ERO1A: variants seen among roughly 807,000 people sequenced by gnomAD.
The protein encoded by ERO1A is ERO1-like protein alpha.
A neutral mutation model predicts 76.9 loss-of-function variants in ERO1A; 49 were observed. The observed-to-expected ratio is 0.64, with a 90% confidence interval of 0.51 to 0.81. The LOEUF is 0.81. Ranked by LOEUF, ERO1A falls within the 30% of genes least tolerant of loss-of-function variation. ERO1A has a pLI of 0.00. For missense variants in ERO1A, 448 were observed against 542.1 expected (o/e 0.83, Z 1.72); for synonymous variants, 174 against 181.2 (o/e 0.96, Z 0.32).
intron 7 of ERO1A, among the ~76,000 whole-genome samples, chr14:52,665,991 CA>C (rs1434999330): frequency 6.6e-6 from 1 of 152,198 alleles, no homozygotes; most frequent in Non-Finnish European, 1.5e-5. Flanking sequence ...AAGCCACAGA[CA>C]AGGGTGTACA....
At chr14:52,684,118 G>GACACACACACACAC (rs60355765) in intron 1 of ERO1A, among the ~76,000 whole-genome samples, 4,772 of 134,378 alleles carry the variant, frequency 0.036, 106 homozygotes, top group South Asian at 0.063. Context: ...CAGAGCTCAT[G>GACACACACACACAC]ACACACACAC....
intron 2 of ERO1A, among the ~76,000 whole-genome samples, chr14:52,683,106 G>A (rs977122762): frequency 1.3e-5 from 2 of 152,130 alleles, no homozygotes; most frequent in Admixed American, 1.3e-4. Flanking sequence ...TACTTGGGAG[G>A]CTGAGGCAGG....
At chr14:52,669,504 A>AT in intron 6 of ERO1A, among the ~76,000 whole-genome samples, 1 of 152,296 alleles carries the variant, frequency 6.6e-6, no homozygotes, top group East Asian at 1.9e-4. Flanking sequence ...ATATAGGTCT[A>AT]TACCCCTCAT....
At chr14:52,689,698 A>T (rs7158431) in intron 1 of ERO1A, among the ~76,000 whole-genome samples, 72,937 of 151,984 alleles carry the variant, frequency 0.48, 18,905 homozygotes, top group African/African-American at 0.69. Context: ...ATTGTTAAAA[A>T]GCCCATACCA....
chr14:52,665,421 C>T (rs1162087796), intron 7 of ERO1A, among the ~76,000 whole-genome samples: 1 of 150,890 alleles, frequency 6.6e-6, no homozygotes, highest in Non-Finnish European at 1.5e-5. Flanking sequence ...AAACTCTCTA[C>T]TTTCCAAACT....
chr14:52,689,950 A>G (rs1317010863), intron 1 of ERO1A, among the ~76,000 whole-genome samples: 1 of 152,196 alleles, frequency 6.6e-6, no homozygotes, highest in East Asian at 1.9e-4. Context: ...CCAATGGAAA[A>G]CAATAGAAAG....
intron 3 of ERO1A, among the ~76,000 whole-genome samples, chr14:52,679,117 G>A (rs1450083325): frequency 2.0e-5 from 3 of 152,098 alleles, no homozygotes; most frequent in Non-Finnish European, 4.4e-5. Flanking sequence ...GGCCTCACCA[G>A]AAGCCAAGCA....
At chr14:52,691,144 T>C (rs188720742) in intron 1 of ERO1A, among the ~76,000 whole-genome samples, 1 of 152,220 alleles carries the variant, frequency 6.6e-6, no homozygotes, top group Admixed American at 6.5e-5. Context: ...GTGTGCTTTA[T>C]TTGGCAAAGA....
At position 52,652,320 on chromosome 14, in the gene ERO1A, AAC is replaced by A. The variant is rs753487103; in HGVS notation, c.1056-14_1056-13del. ...GCAAAGGAAATGACCTGCGTTTTAA[AAC>A]AGAGAATATTCATTTTCATGTGTTA... On this transcript the variant is annotated splice_polypyrimidine_tract_variant and intron_variant, in intron 12 of 15. Transcript: ENST00000395686. 20 of 1,572,020 alleles carry A rather than the reference AAC, an allele frequency of 1.3e-5. No homozygotes were observed. The African/African-American group carries it at 2.6e-4, about 20-fold the overall frequency.
chr14:52,694,922 G>C (rs1034886050), intron 1 of ERO1A, among the ~76,000 whole-genome samples: 2 of 152,298 alleles, frequency 1.3e-5, no homozygotes, highest in South Asian at 4.1e-4. Flanking sequence ...CGAAATCTGA[G>C]ATCAGCCCAC....
intron 6 of ERO1A, among the ~76,000 whole-genome samples, chr14:52,670,542 G>C (rs78704826): frequency 6.6e-6 from 1 of 152,134 alleles, no homozygotes; most frequent in East Asian, 1.9e-4. Flanking sequence ...ACTGTGCCAC[G>C]ATCAGAGTTT....
At chr14:52,665,517 T>A (rs1359949725) in intron 7 of ERO1A, among the ~76,000 whole-genome samples, 1 of 152,016 alleles carries the variant, frequency 6.6e-6, no homozygotes, top group Non-Finnish European at 1.5e-5. Context: ...ATACTTATAT[T>A]TGACTTATAA....
At chr14:52,686,832 ACCACTGCACT>A (rs2041192093) in intron 1 of ERO1A, among the ~76,000 whole-genome samples, 1 of 151,710 alleles carries the variant, frequency 6.6e-6, no homozygotes, top group African/African-American at 2.4e-5. Context: ...CCAAGATCAC[ACCACTGCACT>A]CCAGCCTGGG....
intron 7 of ERO1A, 134 bp from the exon 8 acceptor site, chr14:52,663,981 T>C: frequency 1.9e-6 from 1 of 525,872 alleles, no homozygotes; most frequent in Non-Finnish European, 3.4e-6. Context: ...ACACTTAGTT[T>C]CCTCTAATTG....
At chr14:52,689,615 A>G (rs1276062995) in intron 1 of ERO1A, among the ~76,000 whole-genome samples, 1 of 152,196 alleles carries the variant, frequency 6.6e-6, no homozygotes, top group African/African-American at 2.4e-5. Context: ...ACTATAAAGC[A>G]GTGATTAAAA....
intron 1 of ERO1A, among the ~76,000 whole-genome samples, chr14:52,690,607 A>C (rs2041322871): frequency 6.6e-6 from 1 of 152,052 alleles, no homozygotes; most frequent in Non-Finnish European, 1.5e-5. Context: ...AGGCTGAGGC[A>C]GGAGAATCAC....
At chr14:52,685,909 C>T (rs890307815) in intron 1 of ERO1A, among the ~76,000 whole-genome samples, 3 of 152,166 alleles carry the variant, frequency 2.0e-5, no homozygotes, top group African/African-American at 7.2e-5. Flanking sequence ...AAATCATATA[C>T]TTCCAGAAAG....
At chr14:52,690,204 T>C (rs1278322163) in intron 1 of ERO1A, among the ~76,000 whole-genome samples, 2 of 151,988 alleles carry the variant, frequency 1.3e-5, no homozygotes, top group South Asian at 2.1e-4. Flanking sequence ...TCCATGACAT[T>C]AGTCTTGGCA....
rs1487239541 is a variant in ERO1A at position 52,680,722 on chromosome 14, T to C, written c.318+1603A>G. On this transcript the variant is annotated intron_variant, in intron 3 of 15. Transcript: ENST00000395686. ...CACTGTTAATATCACTTTAATGATATGCTCATGCTTTAATAGTGACAAGGT... is the reference window on the plus strand; with the variant it reads ...CACTGTTAATATCACTTTAATGATACGCTCATGCTTTAATAGTGACAAGGT... Among the ~76,000 whole-genome samples, 5 of 152,232 alleles carry C rather than the reference T, an allele frequency of 3.3e-5. No individual in the cohort carries two copies. In the East Asian group the frequency reaches 5.8e-4, roughly 18 times the overall value.
Sources: gnomAD v4.1 joint callset for allele counts (sites outside exome capture counted in the v4.1 genomes callset) on GRCh38, gnomAD v4.1.1 for gene constraint, MANE v1.5 for transcripts, NCBI Gene and HGNC (gene_info 2026-07-23, HGNC 2026-07-21) for gene names.